The following INHBC variants were observed in gnomAD, a reference collection of about 807,000 sequenced individuals.
INHBC encodes the protein inhibin beta C chain.
A neutral mutation model predicts 12.4 loss-of-function variants in INHBC; 10 were observed. The observed-to-expected ratio is 0.81, with a 90% CI of 0.50 to 1.37. INHBC has a LOEUF of 1.37. Ranked by LOEUF, INHBC falls within the 40% of genes most tolerant of loss-of-function variation. The pLI, the probability that INHBC is intolerant of heterozygous loss-of-function variation, is 0.00. For synonymous variants in INHBC, 147 were observed against 171.6 expected, an observed-to-expected ratio of 0.86 and a Z score of 1.12; for missense variants, 382 against 439.4, an observed-to-expected ratio of 0.87 and a Z score of 1.17.
intron 1 of INHBC, among the ~76,000 whole-genome samples, chr12:57,436,747 A>G (rs926957725): frequency 6.6e-6 from 1 of 151,454 alleles, no homozygotes; most frequent in African/African-American, 2.4e-5. Context: ...GCTCACTGCA[A>G]GCTCCACCTC....
At chr12:57,438,474 T>C (rs2139830462) in intron 1 of INHBC, among the ~76,000 whole-genome samples, 1 of 152,344 alleles carries the variant, frequency 6.6e-6, no homozygotes, top group Admixed American at 6.5e-5. Context: ...TGAGGGAATG[T>C]AACAGCCTCT....
chr12:57,451,716 A>G lies in INHBC; in HGVS notation c.*1694A>G, dbSNP rs776765677. ...GAAAAGGACTGCCTGGGGGACTGTAAATCTGAGCTTGAGGGCTTCCTGAGC... is the reference window on the plus strand; with the variant it reads ...GAAAAGGACTGCCTGGGGGACTGTAGATCTGAGCTTGAGGGCTTCCTGAGC... On this transcript the variant is annotated 3_prime_UTR_variant, in exon 2 of 2. Transcript: ENST00000309668. 12 of 383,892 alleles carry G rather than the reference A, an allele frequency of 3.1e-5. No homozygotes were observed. The highest frequency in any genetic ancestry group is 1.6e-4 in the Admixed American group (5 of 30,648). 23.8% of individuals were successfully genotyped at this position (383,892 alleles called of 1,614,324 possible). A position where few individuals can be genotyped will look rare whatever the true frequency, so the allele number is the denominator to read the frequency against.
intron 1 of INHBC, among the ~76,000 whole-genome samples, chr12:57,435,817 C>G (rs1870323300): frequency 6.6e-6 from 1 of 151,386 alleles, no homozygotes; most frequent in South Asian, 2.1e-4. Context: ...GCCAGGAGTT[C>G]GAGACCAGCC....
chr12:57,450,580 C>T lies in INHBC; in HGVS notation c.*558C>T, dbSNP rs897311876. The T allele has an allele frequency of 6.6e-6, 1 of 152,330 alleles. No homozygotes were observed. The highest frequency in any genetic ancestry group is 2.4e-5 in the African/African-American group (1 of 41,432). The allele number at this position is 152,330 out of a possible 1,614,324, so 9.4% of individuals were successfully genotyped here. ...TAGTTGTCCAGGTGAACTACTAAAG[C>T]TCTCTTTGCATACCTTCATCCATTT... On this transcript the variant is annotated 3_prime_UTR_variant, in exon 2 of 2. Transcript: ENST00000309668.
At chr12:57,449,233 G>T in intron 1 of INHBC, 44 bp from the exon 2 acceptor site, 1 of 1,564,778 alleles carries the variant, frequency 6.4e-7, no homozygotes, top group Non-Finnish European at 8.6e-7. Context: ...TGGTAGAACT[G>T]ACAGTCAGAA....
At chr12:57,439,966 G>T (rs113897814) in intron 1 of INHBC, among the ~76,000 whole-genome samples, 1 of 152,112 alleles carries the variant, frequency 6.6e-6, no homozygotes, top group Non-Finnish European at 1.5e-5. Flanking sequence ...CTGCTTCAGC[G>T]TCCTGAGTAG....
In INHBC at chr12:57,449,874, C is replaced by T; in HGVS notation, c.911C>T (p.Ala304Val). The T allele has an allele frequency of 6.2e-7, 1 of 1,612,380 alleles. No individual in the cohort carries two copies. Among genetic ancestry groups the T allele is most frequent in the Non-Finnish European group, 8.5e-7 (1 of 1,179,004 alleles). ...ACTGCAGTGCTCAATCTTCTCAAGGCCAACACAGCTGCAGGCACCACTGGA... is the reference window on the plus strand; with the variant it reads ...ACTGCAGTGCTCAATCTTCTCAAGGTCAACACAGCTGCAGGCACCACTGGA... The part of the protein sequence containing the change: ...FHTAVLNLLK[A>V]NTAAGTTGGG... Residue 304 changes from alanine to valine, a missense_variant, in exon 2 of 2, where the codon GCC (alanine) becomes GTC (valine). By Grantham distance (64) the Ala-to-Val change is moderately conservative. Coordinates refer to ENST00000309668, the MANE Select transcript of INHBC (RefSeq NM_005538.4).
chr12:57,435,082 C>T lies in INHBC; in HGVS notation c.196C>T (p.Pro66Ser). Residue 66 changes from proline to serine, a missense_variant, in exon 1 of 2, where the codon CCT (proline) becomes TCT (serine). Coordinates refer to ENST00000309668, the MANE Select transcript of INHBC (RefSeq NM_005538.4). ...HLTQRPTLNRPVSRAALRTAL... is the reference protein window; with the variant it reads ...HLTQRPTLNRSVSRAALRTAL... Reference sequence around the variant, plus strand: ...CACCCAGCGCCCAACACTGAACCGCCCTGTGTCCAGAGCTGCTTTGAGGAC... The same window carrying T: ...CACCCAGCGCCCAACACTGAACCGCTCTGTGTCCAGAGCTGCTTTGAGGAC... 1 of 1,614,182 alleles carries T rather than the reference C, an allele frequency of 6.2e-7. No homozygotes were observed. The highest frequency in any genetic ancestry group is 1.1e-5 in the South Asian group (1 of 91,074).
In INHBC at chr12:57,451,355, A is replaced by AC. The variant is rs1870708608; in HGVS notation, c.*1338dup. Among the ~76,000 whole-genome samples, 1 of 151,856 alleles carries AC rather than the reference A, an allele frequency of 6.6e-6. No homozygotes were observed. The highest frequency in any genetic ancestry group is 1.5e-5 in the Non-Finnish European group (1 of 67,978). On this transcript the variant is annotated 3_prime_UTR_variant, in exon 2 of 2. Coordinates refer to ENST00000309668, the MANE Select transcript of INHBC (RefSeq NM_005538.4). ...CCTCTGACTTGCCTTCCTTTCACCC[A>AC]CCCCCAGTGCTCCACCCAGGAGTCC...
chr12:57,434,940 C>A lies in INHBC; in HGVS notation c.54C>A (p.Ala18=), dbSNP rs1470718410. The A allele has an allele frequency of 4.3e-6, 7 of 1,614,076 alleles. No individual in the cohort carries two copies. In the Admixed American group the frequency reaches 6.7e-5, roughly 15 times the overall value. Reference sequence around the variant, plus strand: ...TCCTCCTGGCTCCAACCACAGTGGCCACTCCCAGAGCTGGCGGTCAGTGTC... The same window carrying A: ...TCCTCCTGGCTCCAACCACAGTGGCAACTCCCAGAGCTGGCGGTCAGTGTC... The part of the protein sequence containing the change: ...AFLLLAPTTV[A]TPRAGGQCPA... The change falls in exon 1 of 2, where the codon GCC becomes GCA. Residue 18 remains alanine (A), a synonymous_variant. Coordinates refer to ENST00000309668, the MANE Select transcript of INHBC (RefSeq NM_005538.4).
chr12:57,448,494 A>C (rs1039538015), intron 1 of INHBC, among the ~76,000 whole-genome samples: 1 of 150,996 alleles, frequency 6.6e-6, no homozygotes, highest in Admixed American at 6.6e-5. Context: ...ACTTGAACCC[A>C]GGAGGCAGAG....
chr12:57,440,816 T>C (rs756681532), intron 1 of INHBC, among the ~76,000 whole-genome samples: 20 of 152,216 alleles, frequency 1.3e-4, no homozygotes, highest in Non-Finnish European at 2.1e-4. Flanking sequence ...AGTTCCCCTT[T>C]CTTCAGCTTC....
At chr12:57,441,088 T>A (rs1374066038) in intron 1 of INHBC, among the ~76,000 whole-genome samples, 2 of 151,252 alleles carry the variant, frequency 1.3e-5, no homozygotes, top group Admixed American at 1.3e-4. Flanking sequence ...GTGCTGTGGC[T>A]CACGCCTGTA....
chr12:57,437,092 C>T (rs1392265476), intron 1 of INHBC, among the ~76,000 whole-genome samples: 5 of 152,104 alleles, frequency 3.3e-5, no homozygotes, highest in African/African-American at 4.8e-5. Flanking sequence ...CCACCATCCC[C>T]GGGCTAAAAA....
In INHBC at chr12:57,450,205, G is replaced by C; in HGVS notation, c.*183G>C. ...AAACCTTCATCTAAAGCAAGTCACT[G>C]TGCCATCTTCCTGACCACTACCCTC... On this transcript the variant is annotated 3_prime_UTR_variant, in exon 2 of 2. Coordinates refer to ENST00000309668, the MANE Select transcript of INHBC (RefSeq NM_005538.4). The C allele has an allele frequency of 1.8e-6, 1 of 568,264 alleles. No individual in the cohort carries two copies. Among genetic ancestry groups the C allele is most frequent in the Non-Finnish European group, 2.8e-6 (1 of 352,922 alleles). 35.2% of individuals were successfully genotyped at this position (568,264 alleles called of 1,614,324 possible).
At chr12:57,447,215 C>T (rs150506574) in intron 1 of INHBC, among the ~76,000 whole-genome samples, 2 of 151,574 alleles carry the variant, frequency 1.3e-5, no homozygotes, top group East Asian at 2.0e-4. Flanking sequence ...GGCGGAGCCT[C>T]GCTCTGTCTC....
At chr12:57,448,563 C>T (rs1333372358) in intron 1 of INHBC, among the ~76,000 whole-genome samples, 1 of 85,022 alleles carries the variant, frequency 1.2e-5, no homozygotes, top group East Asian at 3.3e-4. Context: ...AATGAGACTC[C>T]GTCTAAAAAA....
rs1316453466 is a variant in INHBC at position 57,450,026 on chromosome 12, A to G, written c.*4A>G. On this transcript the variant is annotated 3_prime_UTR_variant, in exon 2 of 2. Coordinates refer to ENST00000309668, the MANE Select transcript of INHBC (RefSeq NM_005538.4). ...AGAGGCCTGTGGGTGCAGTTAGTCTATGTGTGGTATGGGCAGCCCAAGGTT... is the reference window on the plus strand; with the variant it reads ...AGAGGCCTGTGGGTGCAGTTAGTCTGTGTGTGGTATGGGCAGCCCAAGGTT... The G allele has an allele frequency of 1.3e-6, 2 of 1,508,568 alleles. No homozygotes were observed. Among genetic ancestry groups the G allele is most frequent in the East Asian group, 2.3e-5 (1 of 43,740 alleles). The allele number at this position is 1,508,568 out of a possible 1,614,324, so 93.4% of individuals were successfully genotyped here.
intron 1 of INHBC, among the ~76,000 whole-genome samples, chr12:57,445,716 C>CG (rs1442165380): frequency 5.5e-5 from 8 of 144,588 alleles, no homozygotes; most frequent in South Asian, 4.9e-4. Flanking sequence ...TAGTGAGACC[C>CG]CCCGCCCATC....
Sources: gnomAD v4.1 joint callset for allele counts (sites outside exome capture counted in the v4.1 genomes callset) on GRCh38, gnomAD v4.1.1 for gene constraint, MANE v1.5 for transcripts, NCBI Gene and HGNC (gene_info 2026-07-23, HGNC 2026-07-21) for gene names.